CC2D2B: variants seen among roughly 807,000 people sequenced by gnomAD.
CC2D2B encodes the protein coiled-coil and C2 domain containing 2B, also known as protein CC2D2B.
In CC2D2B, 128 loss-of-function variants were observed where a neutral mutation model predicts 161.2. That is an observed-to-expected ratio of 0.79 (90% CI 0.69 to 0.92). The LOEUF is 0.92. Among genes scored for constraint, CC2D2B ranks in the 40% least tolerant of loss-of-function variants. CC2D2B has a pLI of 0.00. For missense variants in CC2D2B, 1,173 were observed against 1,375.1 expected, an observed-to-expected ratio of 0.85 and a Z score of 2.32; for synonymous variants, 391 against 449.8, an observed-to-expected ratio of 0.87 and a Z score of 1.65.
At position 95,968,826 on chromosome 10, in the gene CC2D2B, G is replaced by A. The variant is rs2077027554; in HGVS notation, c.1569G>A (p.Gln523=). The A allele has an allele frequency of 3.3e-6, 4 of 1,219,130 alleles. No homozygotes were observed. Among genetic ancestry groups the A allele is most frequent in the Non-Finnish European group, 4.1e-6 (4 of 976,340 alleles). 75.5% of individuals were successfully genotyped at this position (1,219,130 alleles called of 1,614,324 possible). The stretch of plus-strand genomic sequence containing the variant: ...CTTGTACTTCAGTATCTCCCCTACA[G>A]TTTGATTTTAAAGTCATGTTTCAGC... ...QVSCTSVSPL[Q]FDFKVMFQQI... The change falls in exon 15 of 35, where the codon CAG becomes CAA. Residue 523 remains glutamine, a synonymous_variant. Transcript: ENST00000646931.
chr10:95,976,922 G>A (rs757679323), intron 17 of CC2D2B, among the ~76,000 whole-genome samples: 2 of 152,152 alleles, frequency 1.3e-5, no homozygotes, highest in Non-Finnish European at 2.9e-5. Flanking sequence ...CTAATTTTTG[G>A]TATTTTTAGT....
intron 21 of CC2D2B, 142 bp from the exon 22 acceptor site, chr10:95,992,385 A>G (rs1270794938): frequency 1.7e-6 from 1 of 589,900 alleles, no homozygotes; most frequent in Non-Finnish European, 2.5e-6. Context: ...TTTCTCCTTG[A>G]GTTTAAGACA....
At chr10:96,015,932 G>T (rs2079180228) in intron 29 of CC2D2B, among the ~76,000 whole-genome samples, 1 of 152,076 alleles carries the variant, frequency 6.6e-6, no homozygotes, top group East Asian at 1.9e-4. Flanking sequence ...ATCCCATTTT[G>T]GGTATAAATT....
chr10:95,970,105 A>C (rs1308447529), intron 15 of CC2D2B, among the ~76,000 whole-genome samples: 2 of 149,032 alleles, frequency 1.3e-5, no homozygotes, highest in Non-Finnish European at 3.0e-5. Flanking sequence ...GTGTGATCCC[A>C]GCCACCACAA....
At position 95,926,487 on chromosome 10, in the gene CC2D2B, A is replaced by G. The variant is rs982638208; in HGVS notation, c.241-750A>G. Among the ~76,000 whole-genome samples the G allele has an allele frequency of 2.2e-4, 34 of 152,020 alleles. 1 individual carries two copies. The highest frequency in any genetic ancestry group is 7.9e-4 in the African/African-American group (33 of 41,544). ...CAATATAAAGATAAGCTTTTATCTT[A>G]CAAGATAAAATCTTATAATTTTATA... On this transcript the variant is annotated intron_variant, in intron 5 of 34. Coordinates refer to ENST00000646931, the MANE Select transcript of CC2D2B (RefSeq NM_001349008.3).
At chr10:95,956,863 A>G (rs1305220192) in intron 11 of CC2D2B, among the ~76,000 whole-genome samples, 1 of 152,150 alleles carries the variant, frequency 6.6e-6, no homozygotes, top group Non-Finnish European at 1.5e-5. Flanking sequence ...GTATTTGTTT[A>G]TTCACATTAT....
intron 5 of CC2D2B, among the ~76,000 whole-genome samples, chr10:95,926,028 A>G (rs185545428): frequency 2.0e-5 from 3 of 151,852 alleles, no homozygotes; most frequent in Admixed American, 6.5e-5. Flanking sequence ...TTTTAAATTT[A>G]TCTTTGGCTC....
At chr10:95,954,968 C>T (rs1003512355) in intron 10 of CC2D2B, among the ~76,000 whole-genome samples, 1 of 152,034 alleles carries the variant, frequency 6.6e-6, no homozygotes, top group Admixed American at 6.6e-5. Flanking sequence ...CTACATTATG[C>T]ACTTATCCAT....
chr10:95,971,320 C>T (rs60928707), intron 15 of CC2D2B, among the ~76,000 whole-genome samples: 40,483 of 149,070 alleles, frequency 0.27, 6,454 homozygotes, highest in Admixed American at 0.37. Context: ...ACCCAGGAGG[C>T]GGAGGTTGCA....
chr10:95,939,661 C>T (rs983232900), intron 9 of CC2D2B, among the ~76,000 whole-genome samples: 1 of 152,180 alleles, frequency 6.6e-6, no homozygotes, highest in African/African-American at 2.4e-5. Flanking sequence ...TATTATCTGT[C>T]TTTTAAATCA....
At chr10:95,981,176 A>G (rs2077507824) in intron 17 of CC2D2B, among the ~76,000 whole-genome samples, 1 of 152,036 alleles carries the variant, frequency 6.6e-6, no homozygotes, top group Non-Finnish European at 1.5e-5. Flanking sequence ...GGCGGATCAC[A>G]AGGTCAGGAG....
At chr10:96,029,286 GTA>G (rs58363071) in intron 34 of CC2D2B, among the ~76,000 whole-genome samples, 8,644 of 70,514 alleles carry the variant, frequency 0.12, 664 homozygotes, top group African/African-American at 0.23. Flanking sequence ...ATATATATAT[GTA>G]TATATATATA....
At chr10:96,000,266 TGGC>T (rs1023989384) in intron 24 of CC2D2B, 1 of 1,163,550 alleles carries the variant, frequency 8.6e-7, no homozygotes, top group African/African-American at 1.6e-5. Flanking sequence ...TACTGGAAGA[TGGC>T]TGCTCCAGCC....
At chr10:95,997,744 C>G (rs993958528) in intron 24 of CC2D2B, among the ~76,000 whole-genome samples, 1 of 152,176 alleles carries the variant, frequency 6.6e-6, no homozygotes, top group Non-Finnish European at 1.5e-5. Context: ...TTCAGTAGGT[C>G]TGGGGTAGGG....
At chr10:95,947,404 C>CA (rs1341338888) in intron 9 of CC2D2B, among the ~76,000 whole-genome samples, 1 of 151,080 alleles carries the variant, frequency 6.6e-6, no homozygotes, top group Non-Finnish European at 1.5e-5. Flanking sequence ...TATGAGCCAC[C>CA]ACACTCGGCC....
At chr10:95,940,849 A>G (rs560349875) in intron 9 of CC2D2B, among the ~76,000 whole-genome samples, 1 of 152,070 alleles carries the variant, frequency 6.6e-6, no homozygotes, top group Non-Finnish European at 1.5e-5. Context: ...TCCCAATGAC[A>G]TTTTTTTACA....
In CC2D2B at chr10:96,027,843, G is replaced by A. The variant is rs147341751; in HGVS notation, c.4125+454G>A. ...CCCGGAAACAAATCCACACACCTAAGTGAACTCATTTTCAGCAAAGGCCCC... is the reference window on the plus strand; with the variant it reads ...CCCGGAAACAAATCCACACACCTAAATGAACTCATTTTCAGCAAAGGCCCC... On this transcript the variant is annotated intron_variant, in intron 34 of 34. Transcript: ENST00000646931. Among the ~76,000 whole-genome samples the A allele has an allele frequency of 5.6e-3, 854 of 152,246 alleles. 6 individuals carry two copies. Among genetic ancestry groups the A allele is most frequent in the South Asian group, 0.013 (64 of 4,826 alleles).
At chr10:96,008,632 A>G (rs1474324887) in intron 25 of CC2D2B, among the ~76,000 whole-genome samples, 1 of 152,082 alleles carries the variant, frequency 6.6e-6, no homozygotes, top group Non-Finnish European at 1.5e-5. Flanking sequence ...TCTAATTTGC[A>G]TTTCCTAATG....
At chr10:95,989,470 ACTT>A (rs2077863485) in intron 20 of CC2D2B, among the ~76,000 whole-genome samples, 1 of 152,038 alleles carries the variant, frequency 6.6e-6, no homozygotes, top group Non-Finnish European at 1.5e-5. Flanking sequence ...TGCCTCTCTT[ACTT>A]CTTTACTAGC....
Sources: gnomAD v4.1 joint callset for allele counts (sites outside exome capture counted in the v4.1 genomes callset) on GRCh38, gnomAD v4.1.1 for gene constraint, MANE v1.5 for transcripts, NCBI Gene and HGNC (gene_info 2026-07-23, HGNC 2026-07-21) for gene names.